The following NRG3 variants were observed in gnomAD, a reference collection of about 807,000 sequenced individuals.
NRG3 encodes the protein neuregulin 3, also known as pro-neuregulin-3, membrane-bound isoform.
A neutral mutation model predicts 66.9 loss-of-function variants in NRG3; 31 were observed. The ratio of observed to expected loss-of-function variants is 0.46; its 90% CI spans 0.35 to 0.63. The LOEUF is 0.63. Among genes scored for constraint, NRG3 ranks in the 20% least tolerant of loss-of-function variants. The probability of loss-of-function intolerance (pLI) is 0.00; values close to 1 mark genes in which losing one functional copy is unlikely to be tolerated. For synonymous variants in NRG3, 393 were observed against 359.4 expected (o/e 1.09, Z -1.06); for missense variants, 910 against 878.9 (o/e 1.04, Z -0.45).
At chr10:82,327,546 A>G (rs1339039934) in intron 1 of NRG3, among the ~76,000 whole-genome samples, 1 of 152,242 alleles carries the variant, frequency 6.6e-6, no homozygotes, top group East Asian at 1.9e-4. Flanking sequence ...GCGGAGGCAG[A>G]GATGTGAATA....
At chr10:82,215,598 T>C (rs58963092) in intron 1 of NRG3, among the ~76,000 whole-genome samples, 1 of 152,182 alleles carries the variant, frequency 6.6e-6, no homozygotes. Flanking sequence ...GACAAGCCAA[T>C]GTGTTCTGAA....
intron 1 of NRG3, among the ~76,000 whole-genome samples, chr10:82,336,254 G>C (rs1023487909): frequency 6.6e-6 from 1 of 151,826 alleles, no homozygotes; most frequent in Non-Finnish European, 1.5e-5. Context: ...GGAGTGCAGT[G>C]TGGAAGGGAC....
chr10:82,401,240 A>T (rs1286618103), intron 2 of NRG3, among the ~76,000 whole-genome samples: 2 of 152,148 alleles, frequency 1.3e-5, no homozygotes, highest in South Asian at 2.1e-4. Flanking sequence ...GCATGTATTT[A>T]TATATGTTAT....
At chr10:82,232,286 T>A (rs1003984117) in intron 1 of NRG3, 1 of 154,446 alleles carries the variant, frequency 6.5e-6, no homozygotes, top group East Asian at 1.9e-4. Flanking sequence ...TAAATTAACG[T>A]CTTATGATGC....
intron 2 of NRG3, among the ~76,000 whole-genome samples, chr10:82,575,726 A>C (rs899350431): frequency 6.6e-6 from 1 of 151,946 alleles, no homozygotes; most frequent in African/African-American, 2.4e-5. Flanking sequence ...GACAATATAG[A>C]TTAATTGAAA....
chr10:82,080,212 T>C (rs940028476), intron 1 of NRG3, among the ~76,000 whole-genome samples: 1 of 152,122 alleles, frequency 6.6e-6, no homozygotes, highest in African/African-American at 2.4e-5. Context: ...CCTTATACTA[T>C]AAGCATTTGA....
chr10:82,788,135 G>A (rs1591527866), intron 3 of NRG3, among the ~76,000 whole-genome samples: 1 of 152,188 alleles, frequency 6.6e-6, no homozygotes, highest in Non-Finnish European at 1.5e-5. Flanking sequence ...AGGGAATCTA[G>A]CATTGTTATT....
intron 2 of NRG3, among the ~76,000 whole-genome samples, chr10:82,633,253 G>A (rs921588002): frequency 2.6e-5 from 4 of 152,170 alleles, no homozygotes; most frequent in African/African-American, 9.7e-5. Context: ...TGTTGGGAAA[G>A]TAAGTACCTG....
At chr10:82,899,588 C>T (rs1844009463) in intron 4 of NRG3, among the ~76,000 whole-genome samples, 1 of 152,134 alleles carries the variant, frequency 6.6e-6, no homozygotes, top group Non-Finnish European at 1.5e-5. Flanking sequence ...CTCAGAGAAA[C>T]CATGGAAGCA....
chr10:81,983,965 T>C (rs1398306512), intron 1 of NRG3, among the ~76,000 whole-genome samples: 2 of 151,928 alleles, frequency 1.3e-5, no homozygotes, highest in Admixed American at 6.6e-5. Context: ...GTTGTTTTTA[T>C]GAAAATAAAT....
At chr10:82,335,165 A>G (rs1285299851) in intron 1 of NRG3, among the ~76,000 whole-genome samples, 2 of 152,196 alleles carry the variant, frequency 1.3e-5, no homozygotes, top group Non-Finnish European at 2.9e-5. Flanking sequence ...AGAGGTGGGC[A>G]TGGGACTCAA....
At chr10:82,647,760 G>T (rs569747994) in intron 2 of NRG3, among the ~76,000 whole-genome samples, 1 of 152,114 alleles carries the variant, frequency 6.6e-6, no homozygotes, top group Non-Finnish European at 1.5e-5. Flanking sequence ...GCCAGTGATG[G>T]TGAGCATTTT....
chr10:82,316,394 G>T (rs2081297079), intron 1 of NRG3, among the ~76,000 whole-genome samples: 1 of 152,120 alleles, frequency 6.6e-6, no homozygotes, highest in Non-Finnish European at 1.5e-5. Context: ...ATACTTTAAA[G>T]CCAGTCCTGT....
intron 1 of NRG3, among the ~76,000 whole-genome samples, chr10:82,077,100 A>G (rs1219271332): frequency 6.6e-6 from 1 of 152,234 alleles, no homozygotes; most frequent in Non-Finnish European, 1.5e-5. Flanking sequence ...ATGGAAAACT[A>G]GAGAAATTTC....
chr10:82,045,855 T>C (rs1410747609), intron 1 of NRG3, among the ~76,000 whole-genome samples: 2 of 145,150 alleles, frequency 1.4e-5, no homozygotes, highest in African/African-American at 5.1e-5. Context: ...TTTTGTCAGG[T>C]TTGTCAAAGA....
chr10:82,349,529 C>T (rs1473329791), intron 1 of NRG3, among the ~76,000 whole-genome samples: 20 of 152,070 alleles, frequency 1.3e-4, no homozygotes, highest in South Asian at 4.2e-4. Context: ...TTTGTCTGTG[C>T]CCTGCCCTCA....
chr10:82,670,032 T>A (rs987074903), intron 2 of NRG3, among the ~76,000 whole-genome samples: 2 of 152,160 alleles, frequency 1.3e-5, no homozygotes, highest in African/African-American at 4.8e-5. Flanking sequence ...TGAGAATCAT[T>A]TTGTTTAGAC....
At chr10:82,469,815 G>GA (rs111524056) in intron 2 of NRG3, among the ~76,000 whole-genome samples, 3,864 of 152,246 alleles carry the variant, frequency 0.025, 157 homozygotes, top group African/African-American at 0.086. Context: ...ATTAGATGGT[G>GA]AAAATGAATG....
At chr10:82,346,692 T>C (rs1211760347) in intron 1 of NRG3, among the ~76,000 whole-genome samples, 3 of 151,162 alleles carry the variant, frequency 2.0e-5, no homozygotes, top group African/African-American at 7.3e-5. Context: ...ATCCATCTGG[T>C]CCTGGACTCT....
Sources: allele counts gnomAD v4.1 joint callset (sites outside exome capture counted in the v4.1 genomes callset), GRCh38; gene constraint gnomAD v4.1.1; transcripts MANE v1.5; gene names NCBI Gene and HGNC (gene_info 2026-07-23, HGNC 2026-07-21).